IFT140: variants seen among roughly 807,000 people sequenced by gnomAD.
The protein encoded by IFT140 is intraflagellar transport protein 140 homolog.
In IFT140, 133 loss-of-function variants were observed where a neutral mutation model predicts 164.6. That is an observed-to-expected ratio of 0.81 (90% confidence interval 0.70 to 0.93). The LOEUF (loss-of-function observed/expected upper bound fraction) is 0.93. IFT140 is among the 40% of genes least tolerant of loss of function. The pLI is 0.00. For synonymous variants in IFT140, 860 were observed against 817.3 expected, an observed-to-expected ratio of 1.05 and a Z score of -0.89; for missense variants, 2,045 against 1,972.3, an observed-to-expected ratio of 1.04 and a Z score of -0.70.
chr16:1,518,753 A>T (rs1346450062), intron 29 of IFT140, among the ~76,000 whole-genome samples: 1 of 151,816 alleles, frequency 6.6e-6, no homozygotes, highest in Non-Finnish European at 1.5e-5. Context: ...CTCCAAGCAG[A>T]GAGGCTGCCC....
chr16:1,564,171 CAAAG>C lies in IFT140; in HGVS notation c.1902-13_1902-10del. ...CCACAAAGAGGTGGCTCCTAAAAGA[CAAAG>C]GAAGACCCGTTTCAACCCCAGGGCG... On this transcript the variant is annotated splice_polypyrimidine_tract_variant and intron_variant, in intron 16 of 30. Transcript: ENST00000426508. This position sits in a 1 kb window ranked among gnomAD's most constrained non-coding sequence, Gnocchi z 5.5. 1.9e-6 allele frequency: 3 copies of C among 1,559,112 alleles called. No homozygotes were observed. The highest frequency in any genetic ancestry group is 2.6e-6 in the Non-Finnish European group (3 of 1,143,048).
rs1051882969 is a variant in IFT140 at position 1,553,606 on chromosome 16, T to C, written c.2399+4329A>G. The C allele has an allele frequency of 4.9e-5, 50 of 1,026,746 alleles. No homozygotes were observed. In the South Asian group the frequency reaches 1.8e-3, roughly 36 times the overall value. The allele number at this position is 1,026,746 out of a possible 1,614,324, so 63.6% of individuals were successfully genotyped here. A position where few individuals can be genotyped will look rare whatever the true frequency, so the allele number is the denominator to read the frequency against. On this transcript the variant is annotated intron_variant, in intron 19 of 30. Coordinates refer to ENST00000426508, the MANE Select transcript of IFT140 (RefSeq NM_014714.4). This position sits in a 1 kb window ranked among gnomAD's most constrained non-coding sequence, Gnocchi z 4.4. ...TACAGAGAGTCTCTGGCACTTTGGG[T>C]ACAAGAAACAGACTCACTCAGGTTA...
At position 1,587,948 on chromosome 16, in the gene IFT140, C is replaced by T; in HGVS notation, c.887G>A (p.Gly296Glu). 1 of 1,612,372 alleles carries T rather than the reference C, an allele frequency of 6.2e-7. No individual in the cohort carries two copies. The highest frequency in any genetic ancestry group is 8.5e-7 in the Non-Finnish European group (1 of 1,179,260). ...AGACTCTCACCTGAGGGCAGCCTCCCCGACGGCCATCACGAGAAGGCTGCC... is the reference window on the plus strand; with the variant it reads ...AGACTCTCACCTGAGGGCAGCCTCCTCGACGGCCATCACGAGAAGGCTGCC... ...IEGSLLVMAV[G>E]EAALRFWDIE... Residue 296 changes from glycine to glutamate, a missense_variant, in exon 8 of 31, where the codon GGG (glycine) becomes GAG (glutamate). By Grantham distance (98) the Gly-to-Glu change is moderately conservative. Coordinates refer to ENST00000426508, the MANE Select transcript of IFT140 (RefSeq NM_014714.4).
At chr16:1,520,567 G>T in intron 27 of IFT140, 35 bp downstream of exon 27, 1 of 1,536,392 alleles carries the variant, frequency 6.5e-7, no homozygotes, top group South Asian at 1.2e-5. Context: ...AACTGCCTGT[G>T]AGGTAGCCGC....
chr16:1,590,402 C>T (rs1165803735), intron 6 of IFT140, among the ~76,000 whole-genome samples: 1 of 152,020 alleles, frequency 6.6e-6, no homozygotes, highest in Non-Finnish European at 1.5e-5. Context: ...TCATACCCTC[C>T]ACACGCTGAG....
chr16:1,591,121 G>A (rs1039447264), intron 6 of IFT140, among the ~76,000 whole-genome samples: 4 of 152,162 alleles, frequency 2.6e-5, no homozygotes, highest in Non-Finnish European at 5.9e-5. Context: ...AAAGCCTACA[G>A]CTCCCGGACA....
intron 13 of IFT140, 88 bp from the exon 14 acceptor site, chr16:1,571,622 A>G: frequency 1.5e-6 from 2 of 1,332,516 alleles, no homozygotes; most frequent in Non-Finnish European, 2.1e-6. Context: ...AGAAATGGAT[A>G]TATTTCATGT....
At position 1,544,596 on chromosome 16, in the gene IFT140, C is replaced by T. The variant is rs145377914; in HGVS notation, c.2399+13339G>A. On this transcript the variant is annotated intron_variant, in intron 19 of 30. Coordinates refer to ENST00000426508, the MANE Select transcript of IFT140 (RefSeq NM_014714.4). The stretch of plus-strand genomic sequence containing the variant: ...CCACCCACCTCAGCCTCCCAAAGTG[C>T]TGGAATTACAAACGTGTGCTACTGC... Among the ~76,000 whole-genome samples, 835 of 152,142 alleles carry T rather than the reference C, an allele frequency of 5.5e-3. 1 individual carries two copies. The highest frequency in any genetic ancestry group is 9.0e-3 in the Non-Finnish European group (614 of 67,950).
At chr16:1,580,271 C>G (rs1281681773) in intron 13 of IFT140, 1 of 152,914 alleles carries the variant, frequency 6.5e-6, no homozygotes, top group Non-Finnish European at 1.5e-5. Flanking sequence ...CGCGGGAAAT[C>G]CCATCTAGCG....
chr16:1,571,152 C>T (rs563371584), intron 14 of IFT140, among the ~76,000 whole-genome samples: 3 of 152,210 alleles, frequency 2.0e-5, no homozygotes, highest in African/African-American at 7.2e-5. Context: ...ATGCACTCAT[C>T]ATATAGAAGC....
intron 30 of IFT140, among the ~76,000 whole-genome samples, chr16:1,516,455 G>A (rs1368322237): frequency 6.6e-6 from 1 of 151,966 alleles, no homozygotes; most frequent in Non-Finnish European, 1.5e-5. Flanking sequence ...AAAGCTGATA[G>A]CTAAAATGAA....
At chr16:1,516,780 A>G (rs979063394) in intron 30 of IFT140, among the ~76,000 whole-genome samples, 1 of 151,570 alleles carries the variant, frequency 6.6e-6, no homozygotes, top group African/African-American at 2.4e-5. Flanking sequence ...AAAAAAAAAA[A>G]AAAAAAAAAA....
intron 8 of IFT140, 32 bp from the exon 9 acceptor site, chr16:1,587,336 G>A: frequency 7.1e-7 from 1 of 1,408,878 alleles, no homozygotes; most frequent in Non-Finnish European, 1.0e-6. Context: ...CCCATGGAGG[G>A]CCTGTGTTAG....
intron 19 of IFT140, among the ~76,000 whole-genome samples, chr16:1,545,601 C>A (rs1596338774): frequency 6.6e-6 from 1 of 152,152 alleles, no homozygotes; most frequent in Non-Finnish European, 1.5e-5. Context: ...CAAGGAAACG[C>A]CTGCTATTAC....
At chr16:1,591,129 A>C (rs2035157972) in intron 6 of IFT140, among the ~76,000 whole-genome samples, 1 of 152,190 alleles carries the variant, frequency 6.6e-6, no homozygotes, top group Non-Finnish European at 1.5e-5. Flanking sequence ...CAGCTCCCGG[A>C]CAACCGGCAG....
chr16:1,593,304 T>C (rs971223971), intron 4 of IFT140, among the ~76,000 whole-genome samples: 1 of 152,130 alleles, frequency 6.6e-6, no homozygotes, highest in Non-Finnish European at 1.5e-5. Context: ...TTTTCAACTT[T>C]TTAAAATAAA....
chr16:1,523,739 T>TGG, intron 25 of IFT140, 39 bp from the exon 26 acceptor site: 1 of 1,606,618 alleles, frequency 6.2e-7, no homozygotes, highest in Non-Finnish European at 8.5e-7. Context: ...GCCCGAGGCC[T>TGG]GGGGGCCCGA....
chr16:1,542,220 C>T (rs762523489), intron 19 of IFT140: 23 of 877,970 alleles, frequency 2.6e-5, no homozygotes, highest in Non-Finnish European at 3.1e-5. Context: ...TGAGAAGCCC[C>T]ATGGGGCATC....
At chr16:1,604,907 C>T (rs902302283) in intron 3 of IFT140, among the ~76,000 whole-genome samples, 2 of 151,780 alleles carry the variant, frequency 1.3e-5, no homozygotes, top group East Asian at 1.9e-4. Flanking sequence ...GGGAGGTGCC[C>T]ATCTCAGTGA....
Sources: allele counts gnomAD v4.1 joint callset (sites outside exome capture counted in the v4.1 genomes callset), GRCh38; gene constraint gnomAD v4.1.1; non-coding constraint Gnocchi (gnomAD v3.1); transcripts MANE v1.5; gene names NCBI Gene and HGNC (gene_info 2026-07-23, HGNC 2026-07-21).